EPAS1: variants seen among roughly 807,000 people sequenced by gnomAD.
EPAS1 encodes endothelial PAS domain protein 1, also known as endothelial PAS domain-containing protein 1.
EPAS1 carries 23 observed loss-of-function variants against 87.9 expected under a neutral mutation model. The ratio of observed to expected loss-of-function variants is 0.26; its 90% confidence interval spans 0.19 to 0.37. The LOEUF (loss-of-function observed/expected upper bound fraction) is 0.37. EPAS1 is among the 10% of genes least tolerant of loss of function. The probability of loss-of-function intolerance (pLI) is 1.00; values close to 1 mark genes in which losing one functional copy is unlikely to be tolerated. For synonymous variants in EPAS1, 508 were observed against 444.3 expected (o/e 1.14, Z -1.80); for missense variants, 1,138 against 1,120.7 (o/e 1.02, Z -0.22).
At chr2:46,368,239 G>A (rs1684544790) in intron 6 of EPAS1, among the ~76,000 whole-genome samples, 1 of 152,190 alleles carries the variant, frequency 6.6e-6, no homozygotes, top group Admixed American at 6.5e-5. Flanking sequence ...AACTGGAGAG[G>A]GCTCTGTGGA....
At chr2:46,352,518 CGT>C in intron 2 of EPAS1, among the ~76,000 whole-genome samples, 1 of 151,862 alleles carries the variant, frequency 6.6e-6, no homozygotes, top group East Asian at 1.9e-4. Context: ...ATTAATGGTA[CGT>C]CAGGGAAGAC....
chr2:46,333,656 G>C (rs746467174), intron 1 of EPAS1, among the ~76,000 whole-genome samples: 1 of 152,096 alleles, frequency 6.6e-6, no homozygotes, highest in Non-Finnish European at 1.5e-5. Context: ...AGGATCGTAG[G>C]AGCTAAGTTT....
intron 1 of EPAS1, among the ~76,000 whole-genome samples, chr2:46,331,851 G>C (rs1368094376): frequency 6.6e-6 from 1 of 152,256 alleles, no homozygotes; most frequent in East Asian, 1.9e-4. Context: ...AATCAGACAC[G>C]GCGCTGCCTC....
chr2:46,308,490 T>A (rs1482580009), intron 1 of EPAS1, among the ~76,000 whole-genome samples: 1 of 147,128 alleles, frequency 6.8e-6, no homozygotes, highest in East Asian at 1.9e-4. Flanking sequence ...TCATGCTTAG[T>A]TTTTTAAAAA....
At chr2:46,365,717 C>T (rs60432692) in intron 6 of EPAS1, among the ~76,000 whole-genome samples, 2,787 of 152,244 alleles carry the variant, frequency 0.018, 94 homozygotes, top group African/African-American at 0.064. Flanking sequence ...TTAAAGCAAA[C>T]AAAATCTAGA....
chr2:46,301,523 G>A (rs1682997264), intron 1 of EPAS1, among the ~76,000 whole-genome samples: 1 of 151,444 alleles, frequency 6.6e-6, no homozygotes, highest in Non-Finnish European at 1.5e-5. Flanking sequence ...GCTGCAGTGA[G>A]CGGAGATAGC....
intron 1 of EPAS1, among the ~76,000 whole-genome samples, chr2:46,330,579 C>A (rs1229743974): frequency 6.6e-6 from 1 of 152,248 alleles, no homozygotes; most frequent in African/African-American, 2.4e-5. Context: ...TGCGCTAAAA[C>A]AGGCTCAGTG....
chr2:46,332,204 T>C (rs781408907), intron 1 of EPAS1, among the ~76,000 whole-genome samples: 2 of 150,816 alleles, frequency 1.3e-5, no homozygotes, highest in Non-Finnish European at 2.9e-5. Flanking sequence ...CAAAATCTTA[T>C]AAGAATGGTC....
intron 1 of EPAS1, among the ~76,000 whole-genome samples, chr2:46,323,457 G>A (rs897806051): frequency 2.6e-5 from 4 of 152,236 alleles, no homozygotes; most frequent in African/African-American, 7.2e-5. Context: ...GCACCCAACA[G>A]TTCTTAGCAA....
chr2:46,320,915 A>G (rs929286807), intron 1 of EPAS1, among the ~76,000 whole-genome samples: 3 of 152,202 alleles, frequency 2.0e-5, no homozygotes, highest in East Asian at 1.9e-4. Flanking sequence ...CATTTTAACT[A>G]TTTTTAAGCC....
At chr2:46,368,491 T>C (rs1395566037) in intron 6 of EPAS1, among the ~76,000 whole-genome samples, 1 of 152,170 alleles carries the variant, frequency 6.6e-6, no homozygotes, top group African/African-American at 2.4e-5. Flanking sequence ...GTTGGTGTGG[T>C]TGGCAAAAGT....
Position 46,384,843 on chromosome 2 carries a change from C to CTATT in EPAS1, c.*185_*188dup. 1.4e-6 allele frequency: 1 copy of CTATT among 705,192 alleles called. No homozygotes were observed. Among genetic ancestry groups the CTATT allele is most frequent in the Non-Finnish European group, 2.3e-6 (1 of 426,284 alleles). 43.7% of individuals were successfully genotyped at this position (705,192 alleles called of 1,614,324 possible). On this transcript the variant is annotated 3_prime_UTR_variant, in exon 16 of 16. Coordinates refer to ENST00000263734, the MANE Select transcript of EPAS1 (RefSeq NM_001430.5). ...TTCTGAGATGCTCACTTTATTATCC[C>CTATT]TATTTTTAAAGTACACAATTGTTTT...
At position 46,386,681 on chromosome 2, in the gene EPAS1, A is replaced by AAAG. The variant is rs372928660; in HGVS notation, c.*2022_*2024dup. 6.6e-6 allele frequency: 1 copy of AAAG among 152,660 alleles called. No homozygotes were observed. Among genetic ancestry groups the AAAG allele is most frequent in the African/African-American group, 2.4e-5 (1 of 41,454 alleles). 9.5% of individuals were successfully genotyped at this position (152,660 alleles called of 1,614,324 possible). ...TGTATTTTGACACTGGTATCTTATTAAAGTATTCTGATCCTACCACTGCTG... is the reference window on the plus strand; with the variant it reads ...TGTATTTTGACACTGGTATCTTATTAAAGAAGTATTCTGATCCTACCACTGCTG... On this transcript the variant is annotated 3_prime_UTR_variant, in exon 16 of 16. Transcript: ENST00000263734.
At chr2:46,351,938 G>A (rs1684170418) in intron 2 of EPAS1, among the ~76,000 whole-genome samples, 1 of 152,198 alleles carries the variant, frequency 6.6e-6, no homozygotes, top group Non-Finnish European at 1.5e-5. Context: ...CTGCCTGAAG[G>A]AAATGAGCGT....
At chr2:46,303,392 C>G (rs781455669) in intron 1 of EPAS1, among the ~76,000 whole-genome samples, 2 of 152,140 alleles carry the variant, frequency 1.3e-5, no homozygotes, top group Admixed American at 1.3e-4. Context: ...ACACAAGGCT[C>G]CCTATGGTGT....
chr2:46,380,244 G>A lies in EPAS1; in HGVS notation c.1572G>A (p.Leu524=). 1 of 1,612,472 alleles carries A rather than the reference G, an allele frequency of 6.2e-7. No homozygotes were observed. ...QCSTQTDFNE[L]DLETLAPYIP... The stretch of plus-strand genomic sequence containing the variant: ...CCCCTCAGACGGATTTCAATGAGCT[G>A]GACTTGGAGACACTGGCACCCTATA... Residue 524 remains leucine, a synonymous_variant, in exon 12 of 16, where the codon CTG becomes CTA. Coordinates refer to ENST00000263734, the MANE Select transcript of EPAS1 (RefSeq NM_001430.5). This position sits in a 1 kb window ranked among gnomAD's most constrained non-coding sequence, Gnocchi z 4.4.
At chr2:46,359,257 CAAAAAAAAAAAAA>C (rs57351888) in intron 4 of EPAS1, among the ~76,000 whole-genome samples, 1 of 25,092 alleles carries the variant, frequency 4.0e-5, no homozygotes, top group Non-Finnish European at 6.4e-5. Flanking sequence ...GATTCTGTCT[CAAAAAAAAAAAAA>C]AAAAAAAAAA....
intron 1 of EPAS1, among the ~76,000 whole-genome samples, chr2:46,307,828 A>G (rs147468427): frequency 2.6e-5 from 4 of 152,292 alleles, no homozygotes; most frequent in African/African-American, 9.6e-5. Context: ...AGGCCTCCTC[A>G]GCGGGATTGT....
chr2:46,372,166 T>C (rs960281388), intron 7 of EPAS1, among the ~76,000 whole-genome samples: 7 of 152,180 alleles, frequency 4.6e-5, no homozygotes, highest in African/African-American at 1.7e-4. Flanking sequence ...CTCCCCTTGA[T>C]GGAGCCAAGT....
Sources: gnomAD v4.1 joint callset for allele counts (sites outside exome capture counted in the v4.1 genomes callset) on GRCh38, gnomAD v4.1.1 for gene constraint, Gnocchi (gnomAD v3.1) non-coding constraint, MANE v1.5 for transcripts, NCBI Gene and HGNC (gene_info 2026-07-23, HGNC 2026-07-21) for gene names.